RAB3IP: variants seen among roughly 807,000 people sequenced by gnomAD.
The protein encoded by RAB3IP is RAB3A interacting protein.
In RAB3IP, 36 loss-of-function variants were observed where a neutral mutation model predicts 59.1. The observed-to-expected ratio is 0.61, with a 90% CI of 0.47 to 0.80. The LOEUF is 0.80. Among genes scored for constraint, RAB3IP ranks in the 30% least tolerant of loss-of-function variants. The pLI is 0.00. For synonymous variants in RAB3IP, 207 were observed against 191.2 expected (o/e 1.08, Z -0.68); for missense variants, 511 against 536.0 (o/e 0.95, Z 0.46).
intron 6 of RAB3IP, among the ~76,000 whole-genome samples, chr12:69,799,048 G>C (rs1341305763): frequency 1.3e-5 from 2 of 152,144 alleles, no homozygotes; most frequent in Non-Finnish European, 2.9e-5. Flanking sequence ...GAAAATGTAA[G>C]TATTGCTTAT....
intron 4 of RAB3IP, among the ~76,000 whole-genome samples, chr12:69,793,450 A>G (rs1314434973): frequency 6.6e-6 from 1 of 152,210 alleles, no homozygotes. Flanking sequence ...TTCATTAAAT[A>G]TCTTTGAAGC....
intron 8 of RAB3IP, among the ~76,000 whole-genome samples, chr12:69,804,056 TC>T (rs1259465282): frequency 6.6e-6 from 1 of 152,134 alleles, no homozygotes; most frequent in Non-Finnish European, 1.5e-5. Flanking sequence ...TAGTTCTAGA[TC>T]CCTGAGGAAT....
intron 3 of RAB3IP, among the ~76,000 whole-genome samples, chr12:69,761,836 C>T (rs1201448541): frequency 6.6e-6 from 1 of 152,184 alleles, no homozygotes; most frequent in Non-Finnish European, 1.5e-5. Context: ...TCATTTAACA[C>T]TCTGAAGCAG....
At chr12:69,739,623 T>C in intron 1 of RAB3IP, 1 of 594,964 alleles carries the variant, frequency 1.7e-6, no homozygotes, top group East Asian at 2.8e-5. Context: ...TGAAACCTGG[T>C]GGGAAATTCC....
At chr12:69,796,306 CATAATA>C (rs551715138) in intron 6 of RAB3IP, 1 of 164,302 alleles carries the variant, frequency 6.1e-6, no homozygotes, top group Admixed American at 6.4e-5. Flanking sequence ...GTCTCAAAAT[CATAATA>C]ATAATAATAG....
rs534059774 is a variant in RAB3IP at position 69,790,151 on chromosome 12, A to T, written c.607-4286A>T. 5.6e-4 allele frequency among the ~76,000 whole-genome samples: 85 copies of T among 152,332 alleles called. 1 individual carries two copies. The highest frequency in any genetic ancestry group is 1.6e-3 in the Admixed American group (25 of 15,302). ...ATCTCTGTGTGCAGATGACATGATCACAAGTGTAGAAAATTCTAAAGATTC... is the reference window on the plus strand; with the variant it reads ...ATCTCTGTGTGCAGATGACATGATCTCAAGTGTAGAAAATTCTAAAGATTC... On this transcript the variant is annotated intron_variant, in intron 4 of 10. Coordinates refer to ENST00000247833, the MANE Select transcript of RAB3IP (RefSeq NM_022456.5).
At position 69,806,961 on chromosome 12, in the gene RAB3IP, T is replaced by C. The variant is rs1337616531; in HGVS notation, c.1130+5240T>C. On this transcript the variant is annotated intron_variant, in intron 8 of 10. Transcript: ENST00000247833. ...TTTCTTAGTCCAGAACAAAATGGAGTCTCCTATGTCTACTTCTTTCTAGAC... is the reference window on the plus strand; with the variant it reads ...TTTCTTAGTCCAGAACAAAATGGAGCCTCCTATGTCTACTTCTTTCTAGAC... Among the ~76,000 whole-genome samples the C allele has an allele frequency of 9.9e-5, 15 of 152,166 alleles. No individual in the cohort carries two copies. In the East Asian group the frequency reaches 2.9e-3, roughly 29 times the overall value.
In RAB3IP at chr12:69,812,831, G is replaced by A. The variant is rs751430719; in HGVS notation, c.1184G>A (p.Gly395Glu). The A allele has an allele frequency of 1.2e-6, 2 of 1,613,100 alleles. No homozygotes were observed. The highest frequency in any genetic ancestry group is 2.7e-5 in the African/African-American group (2 of 74,988). The change falls in exon 9 of 11, where the codon GGG (glycine) becomes GAG (glutamate). Residue 395 changes from glycine to glutamate, a missense_variant. By Grantham distance (98) the Gly-to-Glu change is moderately conservative (BLOSUM62 -2). Coordinates refer to ENST00000247833, the MANE Select transcript of RAB3IP (RefSeq NM_022456.5). ...TCCTGTAAACACAGAATTAAATTAG[G>A]GGACTCAAGCAACTATTATTATATT... is the stretch of plus-strand genomic sequence containing the variant. Reference protein sequence around the residue: ...SKSCKHRIKLGDSSNYYYISP... With the variant: ...SKSCKHRIKLEDSSNYYYISP...
chr12:69,741,997 G>A (rs1887391620), intron 1 of RAB3IP, among the ~76,000 whole-genome samples: 1 of 152,094 alleles, frequency 6.6e-6, no homozygotes, highest in African/African-American at 2.4e-5. Context: ...GTCACAGTAG[G>A]GGTTAAAGGA....
rs928076837 is a variant in RAB3IP at position 69,818,124 on chromosome 12, T to C, written c.*2678T>C. 6.6e-6 allele frequency: 1 copy of C among 152,022 alleles called. No individual in the cohort carries two copies. Among genetic ancestry groups the C allele is most frequent in the African/African-American group, 2.4e-5 (1 of 41,374 alleles). 9.4% of individuals were successfully genotyped at this position (152,022 alleles called of 1,614,324 possible). On this transcript the variant is annotated 3_prime_UTR_variant, in exon 11 of 11. Coordinates refer to ENST00000247833, the MANE Select transcript of RAB3IP (RefSeq NM_022456.5). ...ATCACTCACATATTGCTGATGGGGGTATCAATTGGTATATCCACTGTGAAA... is the reference window on the plus strand; with the variant it reads ...ATCACTCACATATTGCTGATGGGGGCATCAATTGGTATATCCACTGTGAAA...
chr12:69,814,239 G>T (rs1481040678), intron 10 of RAB3IP, among the ~76,000 whole-genome samples: 4 of 152,144 alleles, frequency 2.6e-5, no homozygotes, highest in Non-Finnish European at 4.4e-5. Context: ...AAGACAGAAA[G>T]ATAATTTACT....
chr12:69,783,779 C>T (rs148523772), intron 3 of RAB3IP, among the ~76,000 whole-genome samples: 1 of 152,254 alleles, frequency 6.6e-6, no homozygotes, highest in African/African-American at 2.4e-5. Context: ...CTTTAATTTC[C>T]TGCTGCTTTT....
At chr12:69,771,141 C>T (rs557409060) in intron 3 of RAB3IP, among the ~76,000 whole-genome samples, 70 of 152,328 alleles carry the variant, frequency 4.6e-4, no homozygotes, top group African/African-American at 1.6e-3. Context: ...TTTCACTTAA[C>T]ATGATGTCCT....
At chr12:69,781,767 C>A (rs1030758405) in intron 3 of RAB3IP, among the ~76,000 whole-genome samples, 2 of 152,190 alleles carry the variant, frequency 1.3e-5, no homozygotes, top group African/African-American at 4.8e-5. Context: ...TGTATTCATT[C>A]ACCTAGTAAA....
intron 8 of RAB3IP, among the ~76,000 whole-genome samples, chr12:69,804,450 G>A (rs1279419433): frequency 6.6e-6 from 1 of 152,160 alleles, no homozygotes; most frequent in East Asian, 1.9e-4. Context: ...TAGGTTGCCT[G>A]TTCACTCTGA....
At chr12:69,790,820 G>T (rs1043981644) in intron 4 of RAB3IP, among the ~76,000 whole-genome samples, 1 of 152,150 alleles carries the variant, frequency 6.6e-6, no homozygotes, top group Non-Finnish European at 1.5e-5. Flanking sequence ...CTGACCTCAG[G>T]TGATCTACCT....
chr12:69,784,925 A>AT, intron 4 of RAB3IP, 110 bp downstream of exon 4: 1 of 568,566 alleles, frequency 1.8e-6, no homozygotes, highest in Non-Finnish European at 3.2e-6. Flanking sequence ...ATGTATATTT[A>AT]TAAGTCCTCT....
intron 3 of RAB3IP, among the ~76,000 whole-genome samples, chr12:69,766,040 AT>A (rs1388583480): frequency 6.6e-6 from 1 of 152,108 alleles, no homozygotes; most frequent in Non-Finnish European, 1.5e-5. Context: ...TTTGTATGTG[AT>A]TATGTAATCT....
chr12:69,750,076 T>C (rs1868989398), intron 1 of RAB3IP, among the ~76,000 whole-genome samples: 1 of 152,226 alleles, frequency 6.6e-6, no homozygotes, highest in Non-Finnish European at 1.5e-5. Flanking sequence ...TGTAAGTGTG[T>C]CGTGGTGGTT....
Sources: allele counts gnomAD v4.1 joint callset (sites outside exome capture counted in the v4.1 genomes callset), GRCh38; gene constraint gnomAD v4.1.1; transcripts MANE v1.5; gene names NCBI Gene and HGNC (gene_info 2026-07-23, HGNC 2026-07-21).